Variants in COX6C observed in about 807,000 individuals in gnomAD.
The protein encoded by COX6C is cytochrome c oxidase polypeptide VIc.
Under a neutral mutation model 6.9 loss-of-function variants are expected in COX6C, and 3 were observed. The ratio of observed to expected loss-of-function variants is 0.43; its 90% CI spans 0.20 to 1.12. COX6C has a LOEUF of 1.12. Ranked by LOEUF, COX6C falls within the 50% of genes most tolerant of loss-of-function variation. The pLI is 0.27. For missense variants in COX6C, 101 were observed against 97.3 expected (o/e 1.04, Z -0.16); for synonymous variants, 32 against 32.0 (o/e 1.00, Z 0.00).
intron 2 of COX6C, among the ~76,000 whole-genome samples, chr8:99,887,935 CTTA>C (rs1347555710): frequency 1.3e-5 from 2 of 151,656 alleles, no homozygotes; most frequent in South Asian, 2.1e-4. Context: ...GTTTAAGTGA[CTTA>C]TTATTTTTTT....
intron 2 of COX6C, among the ~76,000 whole-genome samples, chr8:99,889,326 A>G (rs558435176): frequency 9.3e-5 from 14 of 150,196 alleles, no homozygotes; most frequent in African/African-American, 2.2e-4. Context: ...GTCTGGCTCT[A>G]TCGCCCAGCC....
intron 2 of COX6C, among the ~76,000 whole-genome samples, chr8:99,890,262 C>T (rs1243020118): frequency 6.6e-6 from 1 of 152,096 alleles, no homozygotes; most frequent in Admixed American, 6.5e-5. Flanking sequence ...CAGACCCAGC[C>T]CCTCTCCCTA....
At chr8:99,891,596 C>G (rs1274080955) in intron 2 of COX6C, among the ~76,000 whole-genome samples, 5 of 152,052 alleles carry the variant, frequency 3.3e-5, no homozygotes, top group African/African-American at 1.2e-4. Context: ...CACAGAGGAC[C>G]CTGTGAAGAC....
At chr8:99,882,533 G>C (rs1001445041) in intron 3 of COX6C, among the ~76,000 whole-genome samples, 3 of 151,816 alleles carry the variant, frequency 2.0e-5, no homozygotes, top group Non-Finnish European at 4.4e-5. Flanking sequence ...CTAAGAACTA[G>C]AAAAAGAGGA....
Position 99,892,048 on chromosome 8 carries a change from C to T in COX6C, c.-27G>A. 6.5e-7 allele frequency: 1 copy of T among 1,541,002 alleles called. No homozygotes were observed. Among genetic ancestry groups the T allele is most frequent in the Non-Finnish European group, 8.9e-7 (1 of 1,126,092 alleles). On this transcript the variant is annotated 5_prime_UTR_variant, in exon 2 of 4. Transcript: ENST00000520468. ...GTAGTTACTGTCCTTGATACGTATGCTAACCTTAAGAGATTCAGAAAATAT... is the reference window on the plus strand; with the variant it reads ...GTAGTTACTGTCCTTGATACGTATGTTAACCTTAAGAGATTCAGAAAATAT...
At chr8:99,880,693 C>G (rs1021855948) in intron 3 of COX6C, among the ~76,000 whole-genome samples, 1 of 151,034 alleles carries the variant, frequency 6.6e-6, no homozygotes. Flanking sequence ...ATGGTGAGAC[C>G]CCATCTCTAT....
At chr8:99,881,313 T>C (rs1210823179) in intron 3 of COX6C, among the ~76,000 whole-genome samples, 3 of 151,664 alleles carry the variant, frequency 2.0e-5, no homozygotes, top group Non-Finnish European at 2.9e-5. Context: ...TGAGCCGAGA[T>C]TGCATCACTA....
chr8:99,889,297 C>CT (rs35209925), intron 2 of COX6C, among the ~76,000 whole-genome samples: 19,169 of 149,014 alleles, frequency 0.13, 1,255 homozygotes, highest in Non-Finnish European at 0.14. Flanking sequence ...TTCTCCCTAA[C>CT]TTTTTTTTTT....
At chr8:99,883,469 A>T (rs528887503) in intron 3 of COX6C, among the ~76,000 whole-genome samples, 2,973 of 142,796 alleles carry the variant, frequency 0.021, 67 homozygotes, top group African/African-American at 0.057. Context: ...ATATATATAT[A>T]TATTTTTTTT....
At chr8:99,883,453 GTATA>G (rs1554593062) in intron 3 of COX6C, among the ~76,000 whole-genome samples, 1 of 135,192 alleles carries the variant, frequency 7.4e-6, no homozygotes, top group Admixed American at 7.3e-5. Flanking sequence ...GTGTGTGTGT[GTATA>G]TATATATATA....
intron 2 of COX6C, among the ~76,000 whole-genome samples, chr8:99,888,948 G>A (rs953661358): frequency 5.3e-5 from 8 of 152,164 alleles, no homozygotes; most frequent in Non-Finnish European, 1.2e-4. Context: ...CTGTGAGGTG[G>A]GGGCCTGTTA....
intron 3 of COX6C, among the ~76,000 whole-genome samples, chr8:99,881,036 C>T (rs762517008): frequency 6.6e-6 from 1 of 152,098 alleles, no homozygotes; most frequent in Non-Finnish European, 1.5e-5. Flanking sequence ...ATATAAAGTT[C>T]TCTGGCAAAG....
chr8:99,881,857 C>T (rs1485322703), intron 3 of COX6C, among the ~76,000 whole-genome samples: 1 of 152,156 alleles, frequency 6.6e-6, no homozygotes, highest in African/African-American at 2.4e-5. Context: ...AAGAGACTCA[C>T]TGTAGATCTA....
intron 2 of COX6C, among the ~76,000 whole-genome samples, chr8:99,889,416 G>A (rs991995871): frequency 3.5e-5 from 5 of 142,330 alleles, no homozygotes; most frequent in Non-Finnish European, 6.0e-5. Context: ...ACAGAGTCTC[G>A]CTCTTGTTGC....
intron 2 of COX6C, among the ~76,000 whole-genome samples, chr8:99,888,358 G>A (rs1388554119): frequency 2.0e-5 from 3 of 152,054 alleles, no homozygotes; most frequent in Non-Finnish European, 4.4e-5. Context: ...GAATCACAAG[G>A]TCAGGAATTG....
At chr8:99,893,556 A>G (rs912808513) in intron 1 of COX6C, 83 bp downstream of exon 1, 1 of 152,332 alleles carries the variant, frequency 6.6e-6, no homozygotes, top group Non-Finnish European at 1.5e-5. Flanking sequence ...TCACGACTAA[A>G]TCCGAGGCAG....
intron 2 of COX6C, among the ~76,000 whole-genome samples, chr8:99,890,092 T>G (rs1282312023): frequency 6.6e-6 from 1 of 150,704 alleles, no homozygotes; most frequent in Non-Finnish European, 1.5e-5. Context: ...AGACTCCATC[T>G]CAAAAAAACA....
chr8:99,884,906 G>A (rs375980556), intron 3 of COX6C, among the ~76,000 whole-genome samples: 23 of 152,146 alleles, frequency 1.5e-4, no homozygotes, highest in African/African-American at 4.6e-4. Flanking sequence ...ATATTGTTAC[G>A]ATGTCCATAC....
At chr8:99,887,776 G>A (rs1045064448) in intron 2 of COX6C, among the ~76,000 whole-genome samples, 158 bp from the exon 3 acceptor site, 2 of 152,118 alleles carry the variant, frequency 1.3e-5, no homozygotes, top group Non-Finnish European at 2.9e-5. Context: ...AGATAAAAAG[G>A]AAGACAAAGT....
Sources: allele counts gnomAD v4.1 joint callset (sites outside exome capture counted in the v4.1 genomes callset), GRCh38; gene constraint gnomAD v4.1.1; transcripts MANE v1.5; gene names NCBI Gene and HGNC (gene_info 2026-07-23, HGNC 2026-07-21).